Variants in FBXL4 observed in about 807,000 individuals in gnomAD.
FBXL4 encodes the protein F-box/LRR-repeat protein 4.
In FBXL4, 40 loss-of-function variants were observed where a neutral mutation model predicts 58.9. That is an observed-to-expected ratio of 0.68 (90% CI 0.53 to 0.88). The LOEUF is 0.88. Among genes scored for constraint, FBXL4 ranks in the 40% least tolerant of loss-of-function variants. The pLI is 0.00. For synonymous variants in FBXL4, 263 were observed against 265.5 expected (o/e 0.99, Z 0.09); for missense variants, 676 against 734.4 (o/e 0.92, Z 0.92).
chr6:98,903,246 G>A (rs1456770245), intron 6 of FBXL4, among the ~76,000 whole-genome samples: 4 of 151,958 alleles, frequency 2.6e-5, no homozygotes, highest in Non-Finnish European at 5.9e-5. Flanking sequence ...TGTTTATTCT[G>A]GGAATGCTGC....
chr6:98,903,688 A>G (rs1229718931), intron 6 of FBXL4, among the ~76,000 whole-genome samples: 2 of 152,176 alleles, frequency 1.3e-5, no homozygotes, highest in African/African-American at 4.8e-5. Context: ...CAGAAGCTGC[A>G]TAAAGTTTTT....
Position 98,900,513 on chromosome 6 carries a change from T to C in FBXL4, c.1104-1032A>G, listed in dbSNP as rs17058938. 6.0e-3 allele frequency among the ~76,000 whole-genome samples: 913 copies of C among 152,354 alleles called. 16 individuals carry two copies. The highest frequency in any genetic ancestry group is 0.021 in the African/African-American group (877 of 41,580). On this transcript the variant is annotated intron_variant, in intron 6 of 9. Coordinates refer to ENST00000369244, the MANE Select transcript of FBXL4 (RefSeq NM_001278716.2). ...TTTTTTGCATTGTTTGACTAGTTCCTAGCAGAGACCTTGGAAAAGGCATCT... is the reference window on the plus strand; with the variant it reads ...TTTTTTGCATTGTTTGACTAGTTCCCAGCAGAGACCTTGGAAAAGGCATCT...
chr6:98,902,665 G>C (rs1327862194), intron 6 of FBXL4, among the ~76,000 whole-genome samples: 3 of 151,890 alleles, frequency 2.0e-5, no homozygotes, highest in Admixed American at 2.0e-4. Context: ...GGGAGATCAA[G>C]GCCATTCAGC....
At chr6:98,914,576 T>C (rs1772254988) in intron 5 of FBXL4, among the ~76,000 whole-genome samples, 1 of 152,150 alleles carries the variant, frequency 6.6e-6, no homozygotes, top group African/African-American at 2.4e-5. Context: ...ACCACATGAT[T>C]ATCTCAATAG....
intron 5 of FBXL4, among the ~76,000 whole-genome samples, chr6:98,907,517 A>G (rs1007056999): frequency 2.6e-5 from 4 of 152,338 alleles, no homozygotes; most frequent in African/African-American, 9.6e-5. Context: ...TCTCTAATTA[A>G]AATTATCTTC....
intron 6 of FBXL4, among the ~76,000 whole-genome samples, chr6:98,903,633 C>T (rs1408757755): frequency 6.6e-6 from 1 of 152,074 alleles, no homozygotes; most frequent in Non-Finnish European, 1.5e-5. Context: ...TTTTAAATGG[C>T]ATGGCTAAGT....
At position 98,933,857 on chromosome 6, in the gene FBXL4, C is replaced by T. The variant is rs146764744; in HGVS notation, c.-191+905G>A. 1.2e-4 allele frequency among the ~76,000 whole-genome samples: 19 copies of T among 152,182 alleles called. No individual in the cohort carries two copies. In the East Asian group the frequency reaches 3.3e-3, roughly 26 times the overall value. On this transcript the variant is annotated intron_variant, in intron 2 of 9. Transcript: ENST00000369244. ...ATGAAACCAGCAACTCTTCCTAAGG[C>T]ACATGTAAACCAAAAAATGACACAA...
chr6:98,940,360 A>C (rs1488123893), intron 1 of FBXL4, among the ~76,000 whole-genome samples: 5 of 152,190 alleles, frequency 3.3e-5, no homozygotes, highest in Non-Finnish European at 7.3e-5. Context: ...GTTGTTGCTA[A>C]ACATTTGGCT....
At chr6:98,911,031 G>A (rs868417491) in intron 5 of FBXL4, among the ~76,000 whole-genome samples, 46 of 130,120 alleles carry the variant, frequency 3.5e-4, no homozygotes, top group Non-Finnish European at 5.9e-4. Context: ...ATTATATCCC[G>A]CACCTGGCTC....
intron 5 of FBXL4, among the ~76,000 whole-genome samples, chr6:98,907,531 A>G (rs538602447): frequency 6.6e-6 from 1 of 152,352 alleles, no homozygotes; most frequent in South Asian, 2.1e-4. Flanking sequence ...TATCTTCTTG[A>G]ACTAGTCCAA....
intron 4 of FBXL4, among the ~76,000 whole-genome samples, chr6:98,925,660 C>T (rs1422364126): frequency 6.6e-6 from 1 of 152,202 alleles, no homozygotes; most frequent in African/African-American, 2.4e-5. Flanking sequence ...AATGAGGAAG[C>T]TCTCTTTGTA....
intron 1 of FBXL4, among the ~76,000 whole-genome samples, chr6:98,939,719 A>C (rs562632516): frequency 6.6e-6 from 1 of 152,340 alleles, no homozygotes; most frequent in East Asian, 1.9e-4. Context: ...ACTTGGAATC[A>C]CTTCCGACAT....
chr6:98,936,078 C>T (rs1773207061), intron 1 of FBXL4, among the ~76,000 whole-genome samples: 1 of 152,134 alleles, frequency 6.6e-6, no homozygotes. Flanking sequence ...TGGATTTACA[C>T]CCTGCCAAAC....
chr6:98,872,632 A>AC lies in FBXL4; in HGVS notation c.*1645dup, dbSNP rs1375840268. The AC allele has an allele frequency of 1.3e-5, 2 of 152,198 alleles. No homozygotes were observed. Among genetic ancestry groups the AC allele is most frequent in the Non-Finnish European group, 2.9e-5 (2 of 68,038 alleles). 9.4% of individuals were successfully genotyped at this position (152,198 alleles called of 1,614,324 possible). ...CTCTAGTTATTTAAGTATCTACATA[A>AC]CAATCTCAGTTTTACCTCTTAGCCC... On this transcript the variant is annotated 3_prime_UTR_variant, in exon 10 of 10. Coordinates refer to ENST00000369244, the MANE Select transcript of FBXL4 (RefSeq NM_001278716.2).
chr6:98,879,902 C>T (rs767798172), intron 8 of FBXL4, among the ~76,000 whole-genome samples: 11 of 142,702 alleles, frequency 7.7e-5, no homozygotes, highest in Non-Finnish European at 1.7e-4. Flanking sequence ...AAGATCGCGC[C>T]GCTGCACTCC....
chr6:98,890,274 G>A (rs1268315333), intron 7 of FBXL4, among the ~76,000 whole-genome samples: 1 of 152,066 alleles, frequency 6.6e-6, no homozygotes, highest in East Asian at 1.9e-4. Context: ...TTCCTAGAAA[G>A]CATATTAATA....
rs117937424 is a variant in FBXL4, at chr6:98,944,082, G to A, written c.-309+3724C>T. Among the ~76,000 whole-genome samples the A allele has an allele frequency of 2.3e-3, 355 of 152,278 alleles. 12 individuals carry two copies. In the East Asian group the frequency reaches 0.053, roughly 23 times the overall value. ...AATAAATGTTTTAGGAAAATGTCCAGCAATTTGGAAAAATAAATTTGTAAT... is the reference window on the plus strand; with the variant it reads ...AATAAATGTTTTAGGAAAATGTCCAACAATTTGGAAAAATAAATTTGTAAT... On this transcript the variant is annotated intron_variant, in intron 1 of 9. Transcript: ENST00000369244.
intron 6 of FBXL4, among the ~76,000 whole-genome samples, chr6:98,903,535 T>C (rs902082069): frequency 2.6e-5 from 4 of 152,092 alleles, no homozygotes; most frequent in Non-Finnish European, 5.9e-5. Flanking sequence ...CCTGGGTGAA[T>C]TGAAAATGGA....
At chr6:98,903,555 G>T (rs1771692622) in intron 6 of FBXL4, among the ~76,000 whole-genome samples, 1 of 152,092 alleles carries the variant, frequency 6.6e-6, no homozygotes, top group Non-Finnish European at 1.5e-5. Flanking sequence ...AAGATAAATT[G>T]TGGGTTAGAA....
Sources: allele counts gnomAD v4.1 joint callset (sites outside exome capture counted in the v4.1 genomes callset), GRCh38; gene constraint gnomAD v4.1.1; transcripts MANE v1.5; gene names NCBI Gene and HGNC (gene_info 2026-07-23, HGNC 2026-07-21).